The following REDIC1 variants were observed in gnomAD, a reference collection of about 807,000 sequenced individuals.
REDIC1 encodes the protein regulator of DNA class I crossover intermediates 1, also known as HEI10 Interacting Protein 1.
At chr12:39,838,696 G>A in the REDIC1 span, among the ~76,000 whole-genome samples, 2 of 151,964 alleles carry the variant, frequency 1.3e-5, no homozygotes, top group African/African-American at 4.8e-5. Context: ...TCAATCAATC[G>A]TTTATATGTT....
chr12:39,678,089 A>T, the REDIC1 span, among the ~76,000 whole-genome samples: 4 of 144,544 alleles, frequency 2.8e-5, no homozygotes, highest in South Asian at 8.8e-4. Context: ...AAATATAAAG[A>T]TCAGAGCAGA....
At chr12:39,859,548 G>A in the REDIC1 span, among the ~76,000 whole-genome samples, 2 of 152,040 alleles carry the variant, frequency 1.3e-5, no homozygotes, top group Non-Finnish European at 2.9e-5. Context: ...TTAAGACAGA[G>A]TCTCCCTCTT....
At chr12:39,805,107 C>T in the REDIC1 span, among the ~76,000 whole-genome samples, 6 of 125,580 alleles carry the variant, frequency 4.8e-5, no homozygotes, top group Non-Finnish European at 1.0e-4. Flanking sequence ...TCAGTGACGA[C>T]AATGGAGGGA....
At chr12:39,637,674 A>G in the REDIC1 span, among the ~76,000 whole-genome samples, 1 of 152,134 alleles carries the variant, frequency 6.6e-6, no homozygotes, top group Non-Finnish European at 1.5e-5. Flanking sequence ...TAATTATGAC[A>G]GTTGACTACA....
the REDIC1 span, among the ~76,000 whole-genome samples, chr12:39,771,191 G>T: frequency 6.6e-6 from 1 of 152,144 alleles, no homozygotes; most frequent in Non-Finnish European, 1.5e-5. Flanking sequence ...AGACTCTAGA[G>T]TAACCCTGAT....
chr12:39,779,294 C>G, the REDIC1 span, among the ~76,000 whole-genome samples: 1 of 152,150 alleles, frequency 6.6e-6, no homozygotes, highest in African/African-American at 2.4e-5. Context: ...ACGGGAAGGA[C>G]TGCTTAACAC....
At chr12:39,695,320 G>C in the REDIC1 span, among the ~76,000 whole-genome samples, 21 of 152,172 alleles carry the variant, frequency 1.4e-4, no homozygotes, top group Non-Finnish European at 2.8e-4. Context: ...TCCAGGACTT[G>C]GCTCTTGGAT....
chr12:39,863,360 C>A, the REDIC1 span, among the ~76,000 whole-genome samples: 1 of 152,112 alleles, frequency 6.6e-6, no homozygotes, highest in African/African-American at 2.4e-5. Context: ...AACTTACAGT[C>A]ATTCCTTTCC....
the REDIC1 span, among the ~76,000 whole-genome samples, chr12:39,846,619 T>G: frequency 1.3e-5 from 2 of 152,148 alleles, no homozygotes; most frequent in Admixed American, 6.5e-5. Context: ...GTGTGGCTAA[T>G]TTTTTGTATT....
At chr12:39,783,604 C>T in the REDIC1 span, among the ~76,000 whole-genome samples, 2 of 152,186 alleles carry the variant, frequency 1.3e-5, no homozygotes, top group African/African-American at 4.8e-5. Flanking sequence ...CTTTGATTTG[C>T]ATTTCTCTCA....
the REDIC1 span, among the ~76,000 whole-genome samples, chr12:39,773,219 A>G: frequency 6.6e-6 from 1 of 152,150 alleles, no homozygotes; most frequent in African/African-American, 2.4e-5. Context: ...TGACTGCAAT[A>G]ATGGGAAGCT....
the REDIC1 span, among the ~76,000 whole-genome samples, chr12:39,807,535 A>C: frequency 6.6e-6 from 1 of 152,228 alleles, no homozygotes; most frequent in East Asian, 1.9e-4. Context: ...TTGAAAAACA[A>C]GTAAAGGGTG....
the REDIC1 span, among the ~76,000 whole-genome samples, chr12:39,653,808 T>C: frequency 1.3e-5 from 2 of 152,136 alleles, no homozygotes; most frequent in Admixed American, 6.6e-5. Flanking sequence ...ATAGGTGTTT[T>C]TGTAAGTGTC....
chr12:39,821,407 C>T, the REDIC1 span, among the ~76,000 whole-genome samples: 1 of 150,900 alleles, frequency 6.6e-6, no homozygotes, highest in Non-Finnish European at 1.5e-5. Flanking sequence ...AAGACTCCGT[C>T]TCAAAAAAAA....
the REDIC1 span, among the ~76,000 whole-genome samples, chr12:39,712,892 CATATACGTGT>C: frequency 7.1e-6 from 1 of 140,872 alleles, no homozygotes; most frequent in Non-Finnish European, 1.5e-5. Flanking sequence ...TACATATATG[CATATACGTGT>C]ATATACGTAT....
chr12:39,672,488 A>C, the REDIC1 span, among the ~76,000 whole-genome samples: 1 of 152,038 alleles, frequency 6.6e-6, no homozygotes, highest in Non-Finnish European at 1.5e-5. Flanking sequence ...GCATGCTTTG[A>C]GAATTGGCAG....
chr12:39,848,995 G>T, the REDIC1 span, among the ~76,000 whole-genome samples: 1 of 151,968 alleles, frequency 6.6e-6, no homozygotes, highest in Non-Finnish European at 1.5e-5. Context: ...CACAAAGAAG[G>T]AAACAACAGA....
chr12:39,832,473 T>C, the REDIC1 span, among the ~76,000 whole-genome samples: 2 of 152,106 alleles, frequency 1.3e-5, no homozygotes, highest in Admixed American at 6.6e-5. Flanking sequence ...TTATTGTGTG[T>C]GCATTTCAGG....
At chr12:39,764,713 C>G in the REDIC1 span, 14 of 1,606,534 alleles carry the variant, frequency 8.7e-6, no homozygotes, top group East Asian at 8.9e-5. Context: ...ATTAATGCAA[C>G]AGTATAACAA....
Sources: allele counts gnomAD v4.1 joint callset (sites outside exome capture counted in the v4.1 genomes callset), GRCh38; gene constraint gnomAD v4.1.1; transcripts MANE v1.5; gene names NCBI Gene and HGNC (gene_info 2026-07-23, HGNC 2026-07-21).